Variants in SLC7A1 observed in about 807,000 individuals in gnomAD.
The protein encoded by SLC7A1 is high affinity cationic amino acid transporter 1.
Under a neutral mutation model 53.9 loss-of-function variants are expected in SLC7A1, and 10 were observed. That is an observed-to-expected ratio of 0.19 (90% CI 0.11 to 0.31). SLC7A1 has a LOEUF of 0.31. SLC7A1 is among the 10% of genes least tolerant of loss of function. The probability of loss-of-function intolerance (pLI) is 1.00; values close to 1 mark genes in which losing one functional copy is unlikely to be tolerated. For missense variants in SLC7A1, 525 were observed against 827.2 expected (o/e 0.63, Z 4.48); for synonymous variants, 342 against 338.7 (o/e 1.01, Z -0.11).
intron 2 of SLC7A1, among the ~76,000 whole-genome samples, chr13:29,552,644 C>T (rs1329048261): frequency 6.6e-6 from 1 of 152,210 alleles, no homozygotes; most frequent in South Asian, 2.1e-4. Flanking sequence ...CGATCTGTGC[C>T]TTAAGGACAT....
chr13:29,590,726 A>C (rs1872072649), intron 1 of SLC7A1, among the ~76,000 whole-genome samples: 1 of 152,136 alleles, frequency 6.6e-6, no homozygotes, highest in South Asian at 2.1e-4. Context: ...TGCCCCTTCT[A>C]ATTTAGAAAC....
At chr13:29,525,308 G>C (rs1227273380) in intron 5 of SLC7A1, among the ~76,000 whole-genome samples, 1 of 152,214 alleles carries the variant, frequency 6.6e-6, no homozygotes, top group East Asian at 1.9e-4. Flanking sequence ...CCTGTGCCAG[G>C]GTCCCACTGG....
At chr13:29,593,530 G>A (rs1872191352) in intron 1 of SLC7A1, among the ~76,000 whole-genome samples, 2 of 152,144 alleles carry the variant, frequency 1.3e-5, no homozygotes, top group Non-Finnish European at 2.9e-5. Context: ...TTTGTCCCTA[G>A]GATTAATAGC....
intron 8 of SLC7A1, among the ~76,000 whole-genome samples, chr13:29,521,297 TC>T (rs1868618776): frequency 6.6e-6 from 1 of 152,238 alleles, no homozygotes; most frequent in South Asian, 2.1e-4. Context: ...AGTGAATAAT[TC>T]ATTCATTTAA....
At chr13:29,594,474 C>G (rs929495358) in intron 1 of SLC7A1, among the ~76,000 whole-genome samples, 3 of 152,232 alleles carry the variant, frequency 2.0e-5, no homozygotes, top group Non-Finnish European at 4.4e-5. Flanking sequence ...TTCCCCCATC[C>G]CCTGGAAAGG....
intron 1 of SLC7A1, among the ~76,000 whole-genome samples, chr13:29,555,311 T>TCCCG (rs1342184096): frequency 2.0e-5 from 2 of 97,672 alleles, no homozygotes; most frequent in African/African-American, 7.8e-5. Flanking sequence ...TGAGCCGAGA[T>TCCCG]CCCGCCACTG....
chr13:29,517,848 C>T lies in SLC7A1; in HGVS notation c.1293-58G>A. The stretch of plus-strand genomic sequence containing the variant: ...CTGCTTCAAGCAAAATGACGTGCAC[C>T]AACTCAAGTTCTCAATAAGCCTCCA... On this transcript the variant is annotated intron_variant, in intron 9 of 12. Coordinates refer to ENST00000380752, the MANE Select transcript of SLC7A1 (RefSeq NM_003045.5). 3 of 1,386,842 alleles carry T rather than the reference C, an allele frequency of 2.2e-6. No homozygotes were observed. In the South Asian group the frequency reaches 3.5e-5, roughly 16 times the overall value. 85.9% of individuals were successfully genotyped at this position (1,386,842 alleles called of 1,614,324 possible). A position where few individuals can be genotyped will look rare whatever the true frequency, so the allele number is the denominator to read the frequency against.
At chr13:29,517,543 G>A (rs373635088) in intron 10 of SLC7A1, 30 bp downstream of exon 10, 1 of 1,562,192 alleles carries the variant, frequency 6.4e-7, no homozygotes, top group Non-Finnish European at 8.8e-7. Flanking sequence ...ATGCCAACAA[G>A]CAAGGCCCCA....
At chr13:29,519,312 C>A (rs1411440999) in intron 9 of SLC7A1, 135 bp downstream of exon 9, 5 of 566,046 alleles carry the variant, frequency 8.8e-6, no homozygotes, top group Non-Finnish European at 1.3e-5. Flanking sequence ...AGGTCCTCCC[C>A]TCTCCTTGGC....
chr13:29,562,422 CA>C (rs1870798008), intron 1 of SLC7A1, among the ~76,000 whole-genome samples: 1 of 152,170 alleles, frequency 6.6e-6, no homozygotes, highest in African/African-American at 2.4e-5. Context: ...AAACTTTGAG[CA>C]CCAACATGAT....
At chr13:29,538,232 C>T (rs536685426) in intron 2 of SLC7A1, among the ~76,000 whole-genome samples, 5 of 152,154 alleles carry the variant, frequency 3.3e-5, no homozygotes, top group Middle Eastern at 3.4e-3. Flanking sequence ...TCTGGAGTTC[C>T]GGCAGTATCA....
At chr13:29,536,736 T>C (rs528358814) in intron 2 of SLC7A1, among the ~76,000 whole-genome samples, 11 of 152,224 alleles carry the variant, frequency 7.2e-5, no homozygotes, top group Non-Finnish European at 1.3e-4. Context: ...AAGGAGCAAG[T>C]TGTTTTCACT....
At chr13:29,527,735 T>C (rs1868961799) in intron 5 of SLC7A1, among the ~76,000 whole-genome samples, 1 of 152,110 alleles carries the variant, frequency 6.6e-6, no homozygotes, top group African/African-American at 2.4e-5. Context: ...TAGAAAGGGG[T>C]CAGGCCCGAG....
chr13:29,592,202 G>A (rs988813476), intron 1 of SLC7A1, among the ~76,000 whole-genome samples: 3 of 152,120 alleles, frequency 2.0e-5, no homozygotes, highest in African/African-American at 4.8e-5. Flanking sequence ...TCAGTCACAC[G>A]GCTCTGATTC....
At chr13:29,549,605 T>C (rs570481034) in intron 2 of SLC7A1, among the ~76,000 whole-genome samples, 11 of 152,332 alleles carry the variant, frequency 7.2e-5, no homozygotes, top group African/African-American at 2.6e-4. Flanking sequence ...TATGGCTTTG[T>C]GACAGTCAGA....
chr13:29,524,866 G>T (rs1329353338), intron 5 of SLC7A1, among the ~76,000 whole-genome samples: 1 of 152,194 alleles, frequency 6.6e-6, no homozygotes, highest in East Asian at 1.9e-4. Flanking sequence ...ACTGATGAAC[G>T]CAAAAGCAAA....
chr13:29,523,230 AC>A (rs1169917233), intron 7 of SLC7A1, 35 bp downstream of exon 7: 1 of 1,553,182 alleles, frequency 6.4e-7, no homozygotes. Flanking sequence ...TGGTGGTTCC[AC>A]CCCTAGGAGC....
intron 1 of SLC7A1, among the ~76,000 whole-genome samples, chr13:29,562,237 C>T (rs576034275): frequency 4.6e-5 from 7 of 152,306 alleles, no homozygotes; most frequent in South Asian, 2.1e-4. Context: ...TTCGTCTCCA[C>T]GTGAGAATGT....
Position 29,567,632 on chromosome 13 carries a change from AAG to A in SLC7A1, c.-114-13774_-114-13773del, listed in dbSNP as rs1188272698. ...TCCTGCCACACTCCTGGGTGTTTAC[AAG>A]CTGCTGGGTACAACTCCCTGCAGGC... On this transcript the variant is annotated intron_variant, in intron 1 of 12. Coordinates refer to ENST00000380752, the MANE Select transcript of SLC7A1 (RefSeq NM_003045.5). Among the ~76,000 whole-genome samples the A allele has an allele frequency of 7.2e-5, 11 of 152,300 alleles. No individual in the cohort carries two copies. In the East Asian group the frequency reaches 2.1e-3, roughly 29 times the overall value.
Sources: allele counts gnomAD v4.1 joint callset (sites outside exome capture counted in the v4.1 genomes callset), GRCh38; gene constraint gnomAD v4.1.1; transcripts MANE v1.5; gene names NCBI Gene and HGNC (gene_info 2026-07-23, HGNC 2026-07-21).